CASK: variants seen among roughly 807,000 people sequenced by gnomAD.
CASK encodes calcium/calmodulin dependent serine protein kinase, also known as peripheral plasma membrane protein CASK.
CASK carries 4 observed loss-of-function variants against 82.9 expected under a neutral mutation model. The ratio of observed to expected loss-of-function variants is 0.05; its 90% CI spans 0.02 to 0.11. The LOEUF (loss-of-function observed/expected upper bound fraction) is 0.11, where lower values mean the gene tolerates loss of function less well. Among genes scored for constraint, CASK ranks in the 10% least tolerant of loss-of-function variants. CASK has a pLI of 1.00. For synonymous variants in CASK, 259 were observed against 253.5 expected (o/e 1.02, Z -0.20); for missense variants, 358 against 720.9 (o/e 0.50, Z 5.76).
chrX:41,585,697 G>A (rs1321179373), intron 14 of CASK: 1 of 102,015 alleles, frequency 9.8e-6, no homozygotes, highest in Non-Finnish European at 2.0e-5. Flanking sequence ...AGTGAGCCGA[G>A]ATTGCGCCAC....
chrX:41,536,567 G>GAAAC (rs774584654), intron 22 of CASK, among the ~76,000 whole-genome samples: 1 of 111,344 alleles, frequency 9.0e-6, no homozygotes, highest in African/African-American at 3.3e-5. Context: ...GAATAGAACA[G>GAAAC]AAACAAACAA....
intron 19 of CASK, among the ~76,000 whole-genome samples, chrX:41,556,621 C>G: frequency 8.9e-6 from 1 of 111,961 alleles, no homozygotes; most frequent in East Asian, 2.8e-4. Context: ...TGATATCACT[C>G]AGAATAGAAA....
At chrX:41,527,400 T>C (rs2064731845) in intron 25 of CASK, among the ~76,000 whole-genome samples, 2 of 112,209 alleles carry the variant, frequency 1.8e-5, no homozygotes, top group South Asian at 3.7e-4. Context: ...TGGAGATAAA[T>C]TGATTCTATG....
At chrX:41,650,352 G>A (rs1230054755) in intron 8 of CASK, among the ~76,000 whole-genome samples, 1 of 111,089 alleles carries the variant, frequency 9.0e-6, no homozygotes, top group African/African-American at 3.3e-5. Context: ...TAGCATCGAT[G>A]GTCTTTACAA....
At chrX:41,801,621 T>C (rs1602645016) in intron 2 of CASK, among the ~76,000 whole-genome samples, 1 of 111,488 alleles carries the variant, frequency 9.0e-6, no homozygotes, top group Non-Finnish European at 1.9e-5. Context: ...GGTTTAGCAA[T>C]AGGAAGCACC....
chrX:41,561,833 T>C (rs776545826), intron 16 of CASK, 189 bp from the exon 17 acceptor site: 71 of 405,188 alleles, frequency 1.8e-4, no homozygotes, highest in Non-Finnish European at 2.8e-4. Flanking sequence ...CAGATATATC[T>C]ACTTGTGGAA....
chrX:41,831,399 G>C (rs1174219907), intron 2 of CASK, among the ~76,000 whole-genome samples: 1 of 111,568 alleles, frequency 9.0e-6, no homozygotes, highest in Non-Finnish European at 1.9e-5. Context: ...TTTTTTTGCA[G>C]GGTTTCTCTG....
At chrX:41,914,733 G>T (rs1054086059) in intron 1 of CASK, among the ~76,000 whole-genome samples, 6 of 112,148 alleles carry the variant, frequency 5.4e-5, no homozygotes, top group African/African-American at 1.9e-4. Context: ...TCATGCACAA[G>T]CTCGGGAATG....
intron 1 of CASK, among the ~76,000 whole-genome samples, chrX:41,873,475 T>C (rs933750344): frequency 1.8e-5 from 2 of 111,575 alleles, no homozygotes; most frequent in Admixed American, 1.9e-4. Context: ...TGCAGGGCTG[T>C]AGGTAATTAG....
intron 1 of CASK, among the ~76,000 whole-genome samples, chrX:41,904,772 C>G (rs930962290): frequency 1.8e-5 from 2 of 111,658 alleles, no homozygotes; most frequent in African/African-American, 6.5e-5. Context: ...GCCCCAGTGT[C>G]TACTGTTCCC....
chrX:41,560,492 G>A (rs1237902471), intron 17 of CASK, among the ~76,000 whole-genome samples: 2 of 106,149 alleles, frequency 1.9e-5, no homozygotes, highest in Non-Finnish European at 3.9e-5. Context: ...TCAAACTCCC[G>A]ACTTCAGGTG....
In CASK at chrX:41,719,742, C is replaced by T. The variant is rs1165577767; in HGVS notation, c.429+19642G>A. 2.7e-5 allele frequency among the ~76,000 whole-genome samples: 3 copies of T among 111,669 alleles called. No individual in the cohort carries two copies. In the East Asian group the frequency reaches 8.4e-4, roughly 31 times the overall value. ...TTCTGTATCTGTCCCGATTGGCTAG[C>T]AACTTAGAACTTCTTAAAAAAGGCA... On this transcript the variant is annotated intron_variant, in intron 5 of 26. Transcript: ENST00000378163.
intron 8 of CASK, among the ~76,000 whole-genome samples, chrX:41,638,527 G>A (rs927001174): frequency 9.0e-6 from 1 of 111,598 alleles, no homozygotes; most frequent in Non-Finnish European, 1.9e-5. Flanking sequence ...CTGGGCAACA[G>A]AGCATGACCC....
At chrX:41,861,891 T>TATATA (rs1412103917) in intron 1 of CASK, among the ~76,000 whole-genome samples, 8 of 102,520 alleles carry the variant, frequency 7.8e-5, no homozygotes, top group Non-Finnish European at 1.4e-4. Flanking sequence ...TATAGTATAA[T>TATATA]ATATAATATA....
intron 1 of CASK, among the ~76,000 whole-genome samples, chrX:41,909,116 C>T (rs539059280): frequency 2.7e-5 from 3 of 111,922 alleles, no homozygotes; most frequent in African/African-American, 9.7e-5. Context: ...AATAGCTGTG[C>T]TCCAACCCCA....
At chrX:41,671,342 G>T (rs773075919) in intron 6 of CASK, 86 bp downstream of exon 6, 46 of 576,755 alleles carry the variant, frequency 8.0e-5, no homozygotes, top group Non-Finnish European at 1.2e-4. Context: ...AAACACTGAG[G>T]TTGGGCTAAT....
At chrX:41,757,482 G>A (rs1284214838) in intron 3 of CASK, among the ~76,000 whole-genome samples, 2 of 111,658 alleles carry the variant, frequency 1.8e-5, no homozygotes, top group South Asian at 3.7e-4. Context: ...ACCTCTCTAC[G>A]GTCATTTAGA....
At chrX:41,900,830 C>G (rs1412788979) in intron 1 of CASK, among the ~76,000 whole-genome samples, 1 of 99,850 alleles carries the variant, frequency 1.0e-5, no homozygotes, top group Non-Finnish European at 2.0e-5. Context: ...ACTGTGACCT[C>G]TGCCTCCCAG....
chrX:41,730,767 A>C (rs1414768930), intron 5 of CASK, among the ~76,000 whole-genome samples: 2 of 111,313 alleles, frequency 1.8e-5, no homozygotes, highest in Non-Finnish European at 3.8e-5. Flanking sequence ...CAGTGGCGTG[A>C]TCTGGCTCAC....
Sources: gnomAD v4.1 joint callset for allele counts (sites outside exome capture counted in the v4.1 genomes callset) on GRCh38, gnomAD v4.1.1 for gene constraint, MANE v1.5 for transcripts, NCBI Gene and HGNC (gene_info 2026-07-23, HGNC 2026-07-21) for gene names.